Variants in AGAP1 observed in about 807,000 individuals in gnomAD.
AGAP1 encodes ArfGAP with GTPase domain, ankyrin repeat and PH domain 1.
Under a neutral mutation model 105.3 loss-of-function variants are expected in AGAP1, and 29 were observed. The ratio of observed to expected loss-of-function variants is 0.28; its 90% confidence interval spans 0.21 to 0.38. The LOEUF is 0.38. Ranked by LOEUF, AGAP1 falls within the 10% of genes least tolerant of loss-of-function variation. The pLI, the probability that AGAP1 is intolerant of heterozygous loss-of-function variation, is 1.00. For synonymous variants in AGAP1, 509 were observed against 485.9 expected (o/e 1.05, Z -0.63); for missense variants, 998 against 1,165.1 (o/e 0.86, Z 2.09).
Position 235,788,610 on chromosome 2 carries a change from G to T in AGAP1, c.674-9149G>T, listed in dbSNP as rs565073118. 2.0e-5 allele frequency among the ~76,000 whole-genome samples: 3 copies of T among 151,954 alleles called. No homozygotes were observed. The highest frequency in any genetic ancestry group is 2.9e-5 in the Non-Finnish European group (2 of 67,986). ...AGGAGTGGGAGGGTCCATCGGTGTC[G>T]TCAGTGCACATCCCGGTGCTTGGAA... On this transcript the variant is annotated intron_variant, in intron 6 of 17. Transcript: ENST00000304032. The surrounding 1 kb of genome is among the most constrained non-coding windows in gnomAD (Gnocchi z 6.0).
In AGAP1 at chr2:235,566,609, T is replaced by C; in HGVS notation, c.163+71760T>C. The C allele has an allele frequency of 1.0e-6, 1 of 984,982 alleles. No homozygotes were observed. The highest frequency in any genetic ancestry group is 1.2e-6 in the Non-Finnish European group (1 of 829,530). The allele number at this position is 984,982 out of a possible 1,614,324, so 61.0% of individuals were successfully genotyped here. On this transcript the variant is annotated intron_variant, in intron 1 of 17. Transcript: ENST00000304032. The surrounding 1 kb of genome is among the most constrained non-coding windows in gnomAD (Gnocchi z 5.2). ...GCTGTGAGTGGGCAGGTCTGTCTCC[T>C]GCCTCTCTTATTTATGTTGTATGCC...
At chr2:235,708,966 C>T (rs191610224) in intron 1 of AGAP1, among the ~76,000 whole-genome samples, 28 of 152,218 alleles carry the variant, frequency 1.8e-4, no homozygotes, top group Admixed American at 7.9e-4. Context: ...CATGTGTTAC[C>T]GACCACAGAC....
intron 16 of AGAP1, among the ~76,000 whole-genome samples, chr2:236,064,212 A>G (rs1048485685): frequency 2.6e-5 from 4 of 152,224 alleles, no homozygotes; most frequent in Non-Finnish European, 5.9e-5. Flanking sequence ...AGAGAAGCCA[A>G]CAGCGTGGCT....
At chr2:236,069,799 A>G (rs2058450635) in intron 16 of AGAP1, among the ~76,000 whole-genome samples, 2 of 152,196 alleles carry the variant, frequency 1.3e-5, no homozygotes, top group African/African-American at 4.8e-5. Context: ...GTGTACCCCA[A>G]ATTGTTAATT....
At chr2:236,010,906 G>C (rs2056487671) in intron 13 of AGAP1, among the ~76,000 whole-genome samples, 1 of 152,088 alleles carries the variant, frequency 6.6e-6, no homozygotes. Context: ...AATTAGTCGG[G>C]CGTGGTGGCG....
intron 1 of AGAP1, among the ~76,000 whole-genome samples, chr2:235,501,780 C>T (rs369526372): frequency 2.6e-5 from 4 of 152,100 alleles, no homozygotes; most frequent in South Asian, 2.1e-4. Flanking sequence ...TCCCCCTCCC[C>T]GCCCCCATCC....
chr2:235,799,283 C>T lies in AGAP1; in HGVS notation c.802-84C>T. On this transcript the variant is annotated intron_variant, in intron 7 of 17. Coordinates refer to ENST00000304032, the MANE Select transcript of AGAP1 (RefSeq NM_001037131.3). This position sits in a 1 kb window ranked among gnomAD's most constrained non-coding sequence, Gnocchi z 5.0. ...ATCCCTTCCATGGGGCTCATGCTCA[C>T]TTGTTGGTTATGACCTTGCCTAAGT... 6.7e-7 allele frequency: 1 copy of T among 1,499,244 alleles called. No homozygotes were observed. The highest frequency in any genetic ancestry group is 9.1e-7 in the Non-Finnish European group (1 of 1,097,960). The allele number at this position is 1,499,244 out of a possible 1,614,324, so 92.9% of individuals were successfully genotyped here. A position where few individuals can be genotyped will look rare whatever the true frequency, so the allele number is the denominator to read the frequency against.
intron 12 of AGAP1, among the ~76,000 whole-genome samples, chr2:235,942,041 C>G (rs2053284889): frequency 6.6e-6 from 1 of 152,150 alleles, no homozygotes; most frequent in Admixed American, 6.5e-5. Context: ...TTGAAATAGG[C>G]CTGAGCATTC....
rs1047589698 is a variant in AGAP1, at chr2:235,971,439, G to A, written c.1645+2816G>A. On this transcript the variant is annotated intron_variant, in intron 13 of 17. Coordinates refer to ENST00000304032, the MANE Select transcript of AGAP1 (RefSeq NM_001037131.3). The surrounding 1 kb of genome is among the most constrained non-coding windows in gnomAD (Gnocchi z 4.8). Reference sequence around the variant, plus strand: ...GTTCTGGCCGGGCACAGTGGCTCACGCCTGTTATCCCAGCACTTTGGGAGG... The same window carrying A: ...GTTCTGGCCGGGCACAGTGGCTCACACCTGTTATCCCAGCACTTTGGGAGG... Among the ~76,000 whole-genome samples, 1 of 152,184 alleles carries A rather than the reference G, an allele frequency of 6.6e-6. No individual in the cohort carries two copies. Among genetic ancestry groups the A allele is most frequent in the Non-Finnish European group, 1.5e-5 (1 of 68,036 alleles).
intron 16 of AGAP1, among the ~76,000 whole-genome samples, chr2:236,081,754 T>G (rs1217785457): frequency 1.3e-5 from 2 of 152,200 alleles, no homozygotes; most frequent in African/African-American, 4.8e-5. Flanking sequence ...GAAACCATAT[T>G]TTGAACATGA....
chr2:236,070,176 G>C (rs2058460907), intron 16 of AGAP1, among the ~76,000 whole-genome samples: 1 of 152,258 alleles, frequency 6.6e-6, no homozygotes, highest in Non-Finnish European at 1.5e-5. Flanking sequence ...CCCAGACTCA[G>C]TTTCCTCCTC....
chr2:236,095,485 C>T lies in AGAP1; in HGVS notation c.2115-24707C>T, dbSNP rs570406376. On this transcript the variant is annotated intron_variant, in intron 16 of 17. Transcript: ENST00000304032. The surrounding 1 kb of genome is among the most constrained non-coding windows in gnomAD (Gnocchi z 4.1). ...CTTGAGCACAGGAGTTTGAGACCAG[C>T]GTGGGCAACATAGTGAGATGCCATC... 4.0e-5 allele frequency among the ~76,000 whole-genome samples: 6 copies of T among 151,536 alleles called. No individual in the cohort carries two copies. The highest frequency in any genetic ancestry group is 2.1e-4 in the South Asian group (1 of 4,774).
At chr2:235,848,699 C>G (rs1961806941) in intron 9 of AGAP1, among the ~76,000 whole-genome samples, 2 of 152,164 alleles carry the variant, frequency 1.3e-5, no homozygotes, top group Admixed American at 1.3e-4. Context: ...ACCCAGATAA[C>G]CAGATGATTT....
rs2057669249 is a variant in AGAP1, at chr2:236,044,857, C to A, written c.1891+4016C>A. ...GGTGTATCCTAGAATTTTCTTAGCTCTTTTCTGGTTTGGGCGGGGGCAGGG... is the reference window on the plus strand; with the variant it reads ...GGTGTATCCTAGAATTTTCTTAGCTATTTTCTGGTTTGGGCGGGGGCAGGG... On this transcript the variant is annotated intron_variant, in intron 15 of 17. Coordinates refer to ENST00000304032, the MANE Select transcript of AGAP1 (RefSeq NM_001037131.3). The surrounding 1 kb of genome is among the most constrained non-coding windows in gnomAD (Gnocchi z 5.7). 6.6e-6 allele frequency among the ~76,000 whole-genome samples: 1 copy of A among 151,878 alleles called. No individual in the cohort carries two copies. Among genetic ancestry groups the A allele is most frequent in the Non-Finnish European group, 1.5e-5 (1 of 67,992 alleles).
At chr2:235,674,722 A>C (rs533724561) in intron 1 of AGAP1, among the ~76,000 whole-genome samples, 9 of 138,316 alleles carry the variant, frequency 6.5e-5, no homozygotes, top group Admixed American at 1.5e-4. Context: ...ATGGAGTCTC[A>C]CTCTGTTGCC....
rs1456273477 is a variant in AGAP1 at position 235,869,974 on chromosome 2, G to A, written c.1051-13371G>A. Among the ~76,000 whole-genome samples, 3 of 152,340 alleles carry A rather than the reference G, an allele frequency of 2.0e-5. No individual in the cohort carries two copies. In the East Asian group the frequency reaches 5.8e-4, roughly 29 times the overall value. ...CCTCCTTCAGGCTTTGGCCAGGAGT[G>A]GCACAGCATAATTTCCACCACATTC... is the stretch of plus-strand genomic sequence containing the variant. On this transcript the variant is annotated intron_variant, in intron 9 of 17. Coordinates refer to ENST00000304032, the MANE Select transcript of AGAP1 (RefSeq NM_001037131.3).
chr2:236,096,931 A>G lies in AGAP1; in HGVS notation c.2115-23261A>G, dbSNP rs1430333706. 6.6e-6 allele frequency among the ~76,000 whole-genome samples: 1 copy of G among 152,146 alleles called. No individual in the cohort carries two copies. The highest frequency in any genetic ancestry group is 2.4e-5 in the African/African-American group (1 of 41,426). On this transcript the variant is annotated intron_variant, in intron 16 of 17. Coordinates refer to ENST00000304032, the MANE Select transcript of AGAP1 (RefSeq NM_001037131.3). This position sits in a 1 kb window ranked among gnomAD's most constrained non-coding sequence, Gnocchi z 4.4. Reference sequence around the variant, plus strand: ...TCATCCTTGCCGTATCACGTGGCCAATCCATTCATCTGACTTTTTTACCAA... The same window carrying G: ...TCATCCTTGCCGTATCACGTGGCCAGTCCATTCATCTGACTTTTTTACCAA...
rs1384382133 is a variant in AGAP1, at chr2:236,126,011, G to A, written c.*1889G>A. On this transcript the variant is annotated 3_prime_UTR_variant, in exon 18 of 18. Coordinates refer to ENST00000304032, the MANE Select transcript of AGAP1 (RefSeq NM_001037131.3). The stretch of plus-strand genomic sequence containing the variant: ...GTATGTTAAACCTTATATTTTATAA[G>A]AGTTTTTCCTCTTATTTCACTTTTT... The A allele has an allele frequency of 6.6e-6, 1 of 151,984 alleles. No homozygotes were observed. The highest frequency in any genetic ancestry group is 1.5e-5 in the Non-Finnish European group (1 of 68,036). The allele number at this position is 151,984 out of a possible 1,614,324, so 9.4% of individuals were successfully genotyped here.
intron 12 of AGAP1, among the ~76,000 whole-genome samples, chr2:235,948,988 G>A (rs11691851): frequency 0.086 from 13,068 of 152,228 alleles, 1,427 homozygotes; most frequent in African/African-American, 0.25. Context: ...ACAACTTACA[G>A]TTTAGTTAGA....
Sources: allele counts gnomAD v4.1 joint callset (sites outside exome capture counted in the v4.1 genomes callset), GRCh38; gene constraint gnomAD v4.1.1; non-coding constraint Gnocchi (gnomAD v3.1); transcripts MANE v1.5; gene names NCBI Gene and HGNC (gene_info 2026-07-23, HGNC 2026-07-21).